Variants in ZMYM1 observed in about 807,000 individuals in gnomAD.
The protein encoded by ZMYM1 is zinc finger MYM-type containing 1.
Under a neutral mutation model 60.0 loss-of-function variants are expected in ZMYM1, and 39 were observed. The ratio of observed to expected loss-of-function variants is 0.65; its 90% CI spans 0.50 to 0.85. The LOEUF is 0.85. Among genes scored for constraint, ZMYM1 ranks in the 40% least tolerant of loss-of-function variants. ZMYM1 has a pLI of 0.00. For synonymous variants in ZMYM1, 413 were observed against 454.0 expected (o/e 0.91, Z 1.15); for missense variants, 1,171 against 1,309.5 (o/e 0.89, Z 1.63).
intron 3 of ZMYM1, 31 bp downstream of exon 3, chr1:35,095,922 A>G: frequency 6.9e-7 from 1 of 1,453,346 alleles, no homozygotes; most frequent in Non-Finnish European, 9.6e-7. Flanking sequence ...AGTTATGTTT[A>G]TTCAGACCAA....
chr1:35,079,146 G>A (rs2148483384), upstream of ZMYM1: 1 of 152,360 alleles, frequency 6.6e-6, no homozygotes, highest in Non-Finnish European at 1.5e-5. Context: ...CTCAAATCCA[G>A]GAAATCTAAC....
At chr1:35,072,298 G>A (rs1004600222) in intron 1 of ZMYM1, among the ~76,000 whole-genome samples, 18 of 152,068 alleles carry the variant, frequency 1.2e-4, no homozygotes, top group African/African-American at 4.3e-4. Context: ...ATCTTGGCAG[G>A]TTGTATTTGT....
chr1:35,112,134 A>G lies in ZMYM1; in HGVS notation c.1146+4A>G. On this transcript the variant is annotated splice_donor_region_variant and intron_variant, in intron 9 of 9. Coordinates refer to ENST00000359858, the MANE Select transcript of ZMYM1 (RefSeq NM_024772.5). ...AACAGCAGATGTCATTGTGGATGTA[A>G]GTTTTAACTTTTTTTACCACTGTCT... 6.2e-7 allele frequency: 1 copy of G among 1,613,172 alleles called. No homozygotes were observed. Among genetic ancestry groups the G allele is most frequent in the Non-Finnish European group, 8.5e-7 (1 of 1,179,576 alleles).
chr1:35,101,936 C>A (rs1458125955), intron 4 of ZMYM1, among the ~76,000 whole-genome samples: 3 of 151,996 alleles, frequency 2.0e-5, no homozygotes, highest in Non-Finnish European at 4.4e-5. Context: ...ACCCAAAGAG[C>A]TTTAGTTATG....
chr1:35,117,903 G>A (rs887586035), downstream of ZMYM1, among the ~76,000 whole-genome samples: 2 of 152,016 alleles, frequency 1.3e-5, no homozygotes, highest in African/African-American at 4.8e-5. Context: ...TCGTGCAATT[G>A]CACTCTAGTC....
Position 35,104,723 on chromosome 1 carries a change from A to G in ZMYM1, c.761A>G (p.Gln254Arg), listed in dbSNP as rs1490619911. The G allele has an allele frequency of 6.2e-7, 1 of 1,614,226 alleles. No individual in the cohort carries two copies. Among genetic ancestry groups the G allele is most frequent in the Admixed American group, 1.7e-5 (1 of 60,030 alleles). Residue 254 changes from glutamine (Q) to arginine (R), a missense_variant, in exon 6 of 10, where the codon CAG becomes CGG. Transcript: ENST00000359858. ...SLSHILQMEG[Q>R]SHYFNSSKSI... ...TCCCACATACTTCAGATGGAAGGAC[A>G]GTCTCATTACTTTAATAGTTCAAAG...
intron 1 of ZMYM1, among the ~76,000 whole-genome samples, chr1:35,088,805 C>CTTTTTTTTTTTTT (rs375136566): frequency 1.3e-4 from 15 of 119,612 alleles, no homozygotes; most frequent in Non-Finnish European, 1.6e-4. Flanking sequence ...GGATGCTTTC[C>CTTTTTTTTTTTTT]TTTTTTTTTT....
In ZMYM1 at chr1:35,114,962, C is replaced by T. The variant is rs1644219685; in HGVS notation, c.3132C>T (p.Cys1044=). ...TTAACTTTGTCATAGATGATAGTTG[C>T]ATAAACTTCGTCAGTCTCGGCTGTT... ...AKLNFVIDDS[C]INFVSLGCLF... The change falls in exon 10 of 10, where the codon TGC becomes TGT. Residue 1044 remains cysteine, a synonymous_variant. Coordinates refer to ENST00000359858, the MANE Select transcript of ZMYM1 (RefSeq NM_024772.5). 5 of 1,613,908 alleles carry T rather than the reference C, an allele frequency of 3.1e-6. No homozygotes were observed. Among genetic ancestry groups the T allele is most frequent in the African/African-American group, 1.3e-5 (1 of 74,924 alleles).
intron 1 of ZMYM1, among the ~76,000 whole-genome samples, chr1:35,088,454 A>ATATGTGTGTGTGTGTGTG (rs1464546786): frequency 4.7e-5 from 5 of 107,284 alleles, no homozygotes; most frequent in African/African-American, 2.1e-4. Flanking sequence ...ATATATATAT[A>ATATGTGTGTGTGTGTGTG]TGTGTGTGTG....
chr1:35,109,483 TC>T (rs1208340740), intron 6 of ZMYM1, among the ~76,000 whole-genome samples: 1 of 152,214 alleles, frequency 6.6e-6, no homozygotes, highest in Non-Finnish European at 1.5e-5. Flanking sequence ...CTCTATACTT[TC>T]TATTGCTTGT....
Position 35,104,647 on chromosome 1 carries a change from A to G in ZMYM1, c.685A>G (p.Met229Val), listed in dbSNP as rs774264236. 20 of 1,614,074 alleles carry G rather than the reference A, an allele frequency of 1.2e-5. No homozygotes were observed. The highest frequency in any genetic ancestry group is 1.6e-5 in the Non-Finnish European group (19 of 1,180,042). Residue 229 changes from methionine to valine, a missense_variant, in exon 6 of 10, where the codon ATG (methionine) becomes GTG (valine). Physicochemically the swap from Met to Val is conservative, Grantham distance 21. Transcript: ENST00000359858. ...GTTTCACTCTGCTAACAACTTCATC[A>G]TGAACTGCTGTGAGAACTGTGGCAC... ...SKFHSANNFI[M>V]NCCENCGTYC...
Position 35,104,331 on chromosome 1 carries a change from G to C in ZMYM1, c.456G>C (p.Gln152His), listed in dbSNP as rs966551506. Residue 152 changes from glutamine (Q) to histidine (H), a missense_variant, in exon 5 of 10, where the codon CAG (glutamine) becomes CAC (histidine). By Grantham distance (24) the Gln-to-His change is conservative (BLOSUM62 0). Transcript: ENST00000359858. The part of the protein sequence containing the change: ...ILNPKDVISV[Q>H]LEDTTSCKTF... ...ATCCAAAGGATGTGATTAGTGTCCA[G>C]CTGGAAGACACTACCTCTTGCAAAA... 1 of 1,606,406 alleles carries C rather than the reference G, an allele frequency of 6.2e-7. No individual in the cohort carries two copies. Among genetic ancestry groups the C allele is most frequent in the Non-Finnish European group, 8.5e-7 (1 of 1,177,864 alleles).
rs568377891 is a variant in ZMYM1 at position 35,071,880 on chromosome 1, G to T, written c.-300-7114G>T. Among the ~76,000 whole-genome samples, 8 of 152,200 alleles carry T rather than the reference G, an allele frequency of 5.3e-5. No individual in the cohort carries two copies. In the South Asian group the frequency reaches 1.7e-3, roughly 32 times the overall value. ...AAAACTGGGCGCAGTGGCTCATGCC[G>T]GTAATCCCAGCACTTTGGGAGGCTA... On this transcript the variant is annotated intron_variant, in intron 1 of 10. Coordinates refer to the ZMYM1 transcript ENST00000417119.
chr1:35,096,656 C>T (rs1369690313), intron 3 of ZMYM1, among the ~76,000 whole-genome samples: 1 of 152,038 alleles, frequency 6.6e-6, no homozygotes, highest in Non-Finnish European at 1.5e-5. Flanking sequence ...GCCTCAGCCT[C>T]CCAAGTAACT....
At position 35,114,807 on chromosome 1, in the gene ZMYM1, C is replaced by A. The variant is rs747144673; in HGVS notation, c.2977C>A (p.Gln993Lys). ...GGAGTTTGATTATTGCAAAATAAAG[C>A]AAATTTCAGAACTGTTATTTAAATG... ...FSEFDYCKIK[Q>K]ISELLFKWNE... Residue 993 changes from glutamine (Q) to lysine (K), a missense_variant, in exon 10 of 10, where the codon CAA (glutamine) becomes AAA (lysine). Transcript: ENST00000359858. The A allele has an allele frequency of 1.9e-6, 3 of 1,605,628 alleles. No homozygotes were observed. The highest frequency in any genetic ancestry group is 2.6e-6 in the Non-Finnish European group (3 of 1,176,206).
chr1:35,067,263 GC>G (rs1641987794), intron 1 of ZMYM1, among the ~76,000 whole-genome samples: 1 of 152,048 alleles, frequency 6.6e-6, no homozygotes, highest in Non-Finnish European at 1.5e-5. Context: ...ACAGGCATGA[GC>G]CACCGTGCTC....
intron 1 of ZMYM1, among the ~76,000 whole-genome samples, chr1:35,060,620 C>T (rs72893524): frequency 0.028 from 4,314 of 152,222 alleles, 185 homozygotes; most frequent in African/African-American, 0.097. Context: ...CTGCCTCCTT[C>T]GCCCCTCCTC....
intron 9 of ZMYM1, 106 bp from the exon 10 acceptor site, chr1:35,112,871 C>T (rs1644142831): frequency 1.3e-5 from 14 of 1,050,808 alleles, no homozygotes; most frequent in Non-Finnish European, 1.8e-5. Flanking sequence ...GGAGCTCATA[C>T]TGTAACTCAG....
chr1:35,083,159 CTT>C (rs910142360), intron 1 of ZMYM1, among the ~76,000 whole-genome samples: 1 of 143,152 alleles, frequency 7.0e-6, no homozygotes, highest in African/African-American at 2.6e-5. Context: ...TGTTTCTTTT[CTT>C]TTTTTTTTTT....
Sources: allele counts gnomAD v4.1 joint callset (sites outside exome capture counted in the v4.1 genomes callset), GRCh38; gene constraint gnomAD v4.1.1; transcripts MANE v1.5; gene names NCBI Gene and HGNC (gene_info 2026-07-23, HGNC 2026-07-21).